Variants in MAML3 observed in about 807,000 individuals in gnomAD.
MAML3 encodes mastermind like transcriptional coactivator 3.
A neutral mutation model predicts 101.9 loss-of-function variants in MAML3; 27 were observed. The observed-to-expected ratio is 0.27, with a 90% CI of 0.20 to 0.37. The LOEUF (loss-of-function observed/expected upper bound fraction) is 0.37, where lower values mean the gene tolerates loss of function less well. Ranked by LOEUF, MAML3 falls within the 10% of genes least tolerant of loss-of-function variation. MAML3 has a pLI of 1.00. For missense variants in MAML3, 1,316 were observed against 1,444.9 expected (o/e 0.91, Z 1.45); for synonymous variants, 501 against 555.9 (o/e 0.90, Z 1.39).
intron 2 of MAML3, among the ~76,000 whole-genome samples, chr4:139,853,280 G>A (rs11730752): frequency 0.31 from 47,702 of 152,080 alleles, 8,239 homozygotes; most frequent in Non-Finnish European, 0.39. Context: ...AATAGTATCC[G>A]TTTCCCTTTT....
chr4:139,777,032 G>T (rs1449716824), intron 2 of MAML3, among the ~76,000 whole-genome samples: 1 of 152,120 alleles, frequency 6.6e-6, no homozygotes, highest in Non-Finnish European at 1.5e-5. Flanking sequence ...TCAAATATAG[G>T]AAGGGTTTTG....
intron 1 of MAML3, among the ~76,000 whole-genome samples, chr4:140,045,458 G>A (rs552614233): frequency 6.8e-6 from 1 of 147,056 alleles, no homozygotes; most frequent in Admixed American, 6.8e-5. Flanking sequence ...TTGTTTGTTT[G>A]TTTTTTTTAA....
chr4:140,078,779 C>T (rs950965655), intron 1 of MAML3, among the ~76,000 whole-genome samples: 7 of 152,084 alleles, frequency 4.6e-5, no homozygotes, highest in African/African-American at 1.4e-4. Flanking sequence ...TTCTCCGTGC[C>T]GGACTCCAAG....
chr4:140,153,468 CG>C lies in MAML3; in HGVS notation c.-142del. 1.4e-6 allele frequency: 1 copy of C among 732,488 alleles called. No individual in the cohort carries two copies. Among genetic ancestry groups the C allele is most frequent in the Non-Finnish European group, 1.8e-6 (1 of 552,874 alleles). 45.4% of individuals were successfully genotyped at this position (732,488 alleles called of 1,614,324 possible). On this transcript the variant is annotated 5_prime_UTR_variant, in exon 1 of 5. Transcript: ENST00000509479. ...ACATGGATGGAAACGGCGATCCCGA[CG>C]GGGCGAAAAAAACGGGGGGGGAGAT...
At chr4:140,063,227 G>A (rs1227704740) in intron 1 of MAML3, among the ~76,000 whole-genome samples, 5 of 152,130 alleles carry the variant, frequency 3.3e-5, no homozygotes, top group Non-Finnish European at 7.3e-5. Context: ...TCTTGACCAT[G>A]CAGGAAAGAG....
At chr4:140,117,591 G>A (rs1019227576) in intron 1 of MAML3, among the ~76,000 whole-genome samples, 1 of 151,706 alleles carries the variant, frequency 6.6e-6, no homozygotes, top group Non-Finnish European at 1.5e-5. Context: ...GGGTGACAGA[G>A]CGAGACCCTG....
At chr4:139,885,986 G>C (rs369875702) in intron 2 of MAML3, among the ~76,000 whole-genome samples, 1 of 128,168 alleles carries the variant, frequency 7.8e-6, no homozygotes, top group Non-Finnish European at 1.7e-5. Context: ...AGGGAATAAA[G>C]AAATAATATA....
intron 1 of MAML3, among the ~76,000 whole-genome samples, chr4:140,071,754 T>TCAGAGAGAGAGAGAGAGAGA (rs1328059871): frequency 3.0e-5 from 2 of 66,736 alleles, no homozygotes; most frequent in Non-Finnish European, 6.2e-5. Flanking sequence ...GGGACCAGGA[T>TCAGAGAGAGAGAGAGAGAGA]TAGAGAGAGA....
intron 1 of MAML3, among the ~76,000 whole-genome samples, chr4:140,126,671 G>A (rs1329709638): frequency 2.0e-5 from 3 of 152,120 alleles, no homozygotes; most frequent in South Asian, 2.1e-4. Context: ...GTCTATACCC[G>A]CAACCCAGAC....
At chr4:140,063,889 G>A (rs1020529007) in intron 1 of MAML3, among the ~76,000 whole-genome samples, 1 of 152,084 alleles carries the variant, frequency 6.6e-6, no homozygotes, top group Non-Finnish European at 1.5e-5. Flanking sequence ...GTTGTGTGGT[G>A]CTCTCTAGAA....
Position 140,031,875 on chromosome 4 carries a change from C to T in MAML3, c.468+120985G>A, listed in dbSNP as rs140601674. On this transcript the variant is annotated intron_variant, in intron 1 of 4. Coordinates refer to ENST00000509479, the MANE Select transcript of MAML3 (RefSeq NM_018717.5). ...ATCTCTCTGTACTCTGAGATATGCT[C>T]AAATTCTCCTACGTTTCTATTTCCA... is the stretch of plus-strand genomic sequence containing the variant. Among the ~76,000 whole-genome samples, 241 of 152,282 alleles carry T rather than the reference C, an allele frequency of 1.6e-3. 1 individual carries two copies. Among genetic ancestry groups the T allele is most frequent in the African/African-American group, 5.5e-3 (227 of 41,566 alleles).
chr4:139,985,574 CACTTAA>C (rs1241967549), intron 1 of MAML3, among the ~76,000 whole-genome samples: 1 of 152,218 alleles, frequency 6.6e-6, no homozygotes, highest in Non-Finnish European at 1.5e-5. Context: ...ACTTGTGAAT[CACTTAA>C]ACCAGCTGTT....
At chr4:140,082,048 A>AT (rs1727868171) in intron 1 of MAML3, among the ~76,000 whole-genome samples, 2 of 152,210 alleles carry the variant, frequency 1.3e-5, no homozygotes, top group Admixed American at 6.5e-5. Context: ...AGTCTCCTCC[A>AT]TAAAACACAC....
intron 1 of MAML3, among the ~76,000 whole-genome samples, chr4:139,915,060 G>A (rs531198836): frequency 1.3e-5 from 2 of 152,214 alleles, no homozygotes; most frequent in South Asian, 2.1e-4. Flanking sequence ...TAAGTCAACC[G>A]GGAGGCTTAT....
Position 140,153,489 on chromosome 4 carries a change from G to C in MAML3, c.-162C>G. ...CCGACGGGGCGAAAAAAACGGGGGG[G>C]GAGATTTTGGGGTGGTTTTTGTTTC... On this transcript the variant is annotated 5_prime_UTR_variant, in exon 1 of 5. Transcript: ENST00000509479. 2 of 749,832 alleles carry C rather than the reference G, an allele frequency of 2.7e-6. No individual in the cohort carries two copies. The highest frequency in any genetic ancestry group is 4.0e-6 in the Non-Finnish European group (2 of 504,628). The allele number at this position is 749,832 out of a possible 1,614,324, so 46.4% of individuals were successfully genotyped here. A position where few individuals can be genotyped will look rare whatever the true frequency, so the allele number is the denominator to read the frequency against.
At chr4:139,868,212 A>C (rs763311288) in intron 2 of MAML3, among the ~76,000 whole-genome samples, 2 of 152,224 alleles carry the variant, frequency 1.3e-5, no homozygotes, top group Non-Finnish European at 2.9e-5. Context: ...GTGACTGTGC[A>C]ATCAACTGTG....
At chr4:140,151,253 C>G (rs1251484561) in intron 1 of MAML3, among the ~76,000 whole-genome samples, 6 of 151,224 alleles carry the variant, frequency 4.0e-5, no homozygotes, top group Non-Finnish European at 8.9e-5. Flanking sequence ...AAGGTGCTGC[C>G]GGCGGGACTG....
intron 2 of MAML3, among the ~76,000 whole-genome samples, chr4:139,824,826 G>A (rs1258638644): frequency 1.3e-5 from 2 of 152,196 alleles, no homozygotes; most frequent in Non-Finnish European, 2.9e-5. Flanking sequence ...CCTTGGAGAC[G>A]CATCTGTCTA....
chr4:140,044,666 A>G (rs772917020), intron 1 of MAML3, among the ~76,000 whole-genome samples: 1 of 152,232 alleles, frequency 6.6e-6, no homozygotes, highest in Non-Finnish European at 1.5e-5. Context: ...TCAAAATGCC[A>G]TGGAAGATCT....
Sources: allele counts gnomAD v4.1 joint callset (sites outside exome capture counted in the v4.1 genomes callset), GRCh38; gene constraint gnomAD v4.1.1; transcripts MANE v1.5; gene names NCBI Gene and HGNC (gene_info 2026-07-23, HGNC 2026-07-21).